KIF14: variants seen among roughly 807,000 people sequenced by gnomAD.
The protein encoded by KIF14 is kinesin family member 14.
A neutral mutation model predicts 176.2 loss-of-function variants in KIF14; 98 were observed. The observed-to-expected ratio is 0.56, with a 90% CI of 0.47 to 0.66. KIF14 has a LOEUF of 0.66. KIF14 is among the 30% of genes least tolerant of loss of function. KIF14 has a pLI of 0.00. For missense variants in KIF14, 1,751 were observed against 1,920.4 expected, an observed-to-expected ratio of 0.91 and a Z score of 1.65; for synonymous variants, 566 against 632.2, an observed-to-expected ratio of 0.90 and a Z score of 1.57.
At chr1:200,568,456 A>C (rs1007556357) in intron 23 of KIF14, among the ~76,000 whole-genome samples, 1 of 152,224 alleles carries the variant, frequency 6.6e-6, no homozygotes, top group Admixed American at 6.5e-5. Context: ...TCAAGATGAG[A>C]TATAATACCT....
intron 4 of KIF14, among the ~76,000 whole-genome samples, chr1:200,613,946 T>A (rs141888135): frequency 1.3e-5 from 2 of 152,346 alleles, no homozygotes; most frequent in African/African-American, 4.8e-5. Context: ...TTCACTACTC[T>A]TTCTGATTCA....
intron 27 of KIF14, among the ~76,000 whole-genome samples, chr1:200,557,408 C>A (rs146098254): frequency 6.6e-6 from 1 of 152,314 alleles, no homozygotes; most frequent in African/African-American, 2.4e-5. Context: ...ATTTGCCAGG[C>A]ACTATATTTT....
intron 10 of KIF14, 83 bp from the exon 11 acceptor site, chr1:200,602,151 A>G: frequency 9.0e-7 from 1 of 1,111,832 alleles, no homozygotes; most frequent in Non-Finnish European, 1.3e-6. Flanking sequence ...ACAAACTAAT[A>G]GGGTATATAA....
At chr1:200,606,889 G>T in intron 5 of KIF14, 91 bp from the exon 6 acceptor site, 1 of 1,048,772 alleles carries the variant, frequency 9.5e-7, no homozygotes, top group Non-Finnish European at 1.5e-6. Flanking sequence ...TGAGTTTAAG[G>T]TAAGAGATTT....
chr1:200,600,290 G>T, intron 12 of KIF14, 66 bp downstream of exon 12: 2 of 1,497,944 alleles, frequency 1.3e-6, no homozygotes, highest in South Asian at 2.3e-5. Context: ...ATCCTCTTGA[G>T]GTCCCTGCCA....
At chr1:200,579,054 C>T (rs1465977006) in intron 21 of KIF14, among the ~76,000 whole-genome samples, 1 of 152,110 alleles carries the variant, frequency 6.6e-6, no homozygotes, top group African/African-American at 2.4e-5. Context: ...TGTGCCACTG[C>T]ACTCCAGCCT....
In KIF14 at chr1:200,615,533, G is replaced by A. The variant is rs775383861; in HGVS notation, c.1189C>T (p.Gln397Ter). The change falls in exon 3 of 30, where the codon CAA (glutamine) becomes TAA (stop). Residue 397 changes from glutamine (Q) to a stop codon, truncating the protein, a stop_gained. Coordinates refer to ENST00000367350, the MANE Select transcript of KIF14 (RefSeq NM_014875.3). LOFTEE classifies it high-confidence loss of function. ...EITVEHPDTK[Q>*]VYNFIYDVSF... ...ACATCATAAATAAAATTATAAACTT[G>A]TTTCGTGTCAGGGTGTTCCACAGTT... The A allele has an allele frequency of 6.2e-7, 1 of 1,613,804 alleles. No homozygotes were observed. Among genetic ancestry groups the A allele is most frequent in the African/African-American group, 1.3e-5 (1 of 75,012 alleles).
chr1:200,558,875 C>T (rs1656978132), intron 27 of KIF14, among the ~76,000 whole-genome samples: 1 of 152,168 alleles, frequency 6.6e-6, no homozygotes, highest in African/African-American at 2.4e-5. Context: ...TAGGAAATCA[C>T]TGAAATGCTT....
At chr1:200,560,115 G>A (rs907966065) in intron 26 of KIF14, among the ~76,000 whole-genome samples, 1 of 152,188 alleles carries the variant, frequency 6.6e-6, no homozygotes, top group Non-Finnish European at 1.5e-5. Context: ...GTGAAAGCAA[G>A]CAGATACAAA....
chr1:200,579,709 A>T (rs1658340968), intron 21 of KIF14, among the ~76,000 whole-genome samples: 1 of 152,140 alleles, frequency 6.6e-6, no homozygotes, highest in African/African-American at 2.4e-5. Context: ...ATCAAAGTGT[A>T]ATAAAAAGCT....
At chr1:200,607,500 A>G (rs1419651240) in intron 5 of KIF14, among the ~76,000 whole-genome samples, 1 of 152,238 alleles carries the variant, frequency 6.6e-6, no homozygotes, top group Non-Finnish European at 1.5e-5. Flanking sequence ...TATGATTTAT[A>G]TACTTTTAAA....
At chr1:200,576,444 C>A (rs1200627181) in intron 21 of KIF14, among the ~76,000 whole-genome samples, 6 of 145,806 alleles carry the variant, frequency 4.1e-5, no homozygotes, top group Non-Finnish European at 9.0e-5. Flanking sequence ...CGCCACTGCA[C>A]TCCAGCCTGG....
chr1:200,582,885 A>G (rs899331590), intron 19 of KIF14, among the ~76,000 whole-genome samples: 1 of 152,142 alleles, frequency 6.6e-6, no homozygotes, highest in African/African-American at 2.4e-5. Context: ...GAGTATTAAT[A>G]TTTTAAAAGT....
rs770723224 is a variant in KIF14, at chr1:200,575,581, T to C, written c.3566+10A>G. 6 of 1,541,330 alleles carry C rather than the reference T, an allele frequency of 3.9e-6. No individual in the cohort carries two copies. The highest frequency in any genetic ancestry group is 1.8e-5 in the Admixed American group (1 of 55,312). On this transcript the variant is annotated intron_variant, in intron 22 of 29. Transcript: ENST00000367350. ...AAGTGCAAGAAAACTAGTAACAAAA[T>C]TGTCTTTACCTCCTTCTAGAAAGTG...
In KIF14 at chr1:200,560,641, G is replaced by A. The variant is rs559678170; in HGVS notation, c.4230+81C>T. 1.0e-5 allele frequency: 14 copies of A among 1,373,498 alleles called. No individual in the cohort carries two copies. In the East Asian group the frequency reaches 3.2e-4, roughly 32 times the overall value. The allele number at this position is 1,373,498 out of a possible 1,614,324, so 85.1% of individuals were successfully genotyped here. On this transcript the variant is annotated intron_variant, in intron 26 of 29. Coordinates refer to ENST00000367350, the MANE Select transcript of KIF14 (RefSeq NM_014875.3). ...TATTTTGAAAACTTAAAAAGAACTT[G>A]CCATGTTTAGTACTGTACTATTATC... is the stretch of plus-strand genomic sequence containing the variant.
rs748117893 is a variant in KIF14 at position 200,600,401 on chromosome 1, C to A, written c.2255G>T (p.Arg752Ile). The A allele has an allele frequency of 5.6e-6, 9 of 1,613,742 alleles. No individual in the cohort carries two copies. The highest frequency in any genetic ancestry group is 1.3e-5 in the African/African-American group (1 of 74,902). Residue 752 changes from arginine (R) to isoleucine (I), a missense_variant, in exon 12 of 30, where the codon AGA becomes ATA. Arg to Ile is a moderately conservative substitution (Grantham distance 97). Coordinates refer to ENST00000367350, the MANE Select transcript of KIF14 (RefSeq NM_014875.3). ...TCTCTCCTGTTGATGCAGTTTCATTCTTAAGGATGTTATTTCTTGCCGACA... is the reference window on the plus strand; with the variant it reads ...TCTCTCCTGTTGATGCAGTTTCATTATTAAGGATGTTATTTCTTGCCGACA... ...RLCRQEITSL[R>I]MKLHQQERDM...
At chr1:200,596,148 G>C (rs1275568773) in intron 14 of KIF14, among the ~76,000 whole-genome samples, 2 of 152,006 alleles carry the variant, frequency 1.3e-5, no homozygotes, top group Admixed American at 6.6e-5. Context: ...CAGCTACTCA[G>C]GAGGCTGAAG....
chr1:200,599,908 T>C (rs1354344854), intron 13 of KIF14, 142 bp downstream of exon 13: 1 of 554,820 alleles, frequency 1.8e-6, no homozygotes, highest in African/African-American at 1.9e-5. Flanking sequence ...ATATTAATTT[T>C]CCTTACGGTA....
intron 22 of KIF14, among the ~76,000 whole-genome samples, chr1:200,575,384 A>G (rs1247843102): frequency 6.6e-6 from 1 of 152,184 alleles, no homozygotes; most frequent in Non-Finnish European, 1.5e-5. Context: ...TAACTGACTA[A>G]TAAACAATTT....
Sources: gnomAD v4.1 joint callset for allele counts (sites outside exome capture counted in the v4.1 genomes callset) on GRCh38, gnomAD v4.1.1 for gene constraint, MANE v1.5 for transcripts, NCBI Gene and HGNC (gene_info 2026-07-23, HGNC 2026-07-21) for gene names.